The following PREX2 variants were observed in gnomAD, a reference collection of about 807,000 sequenced individuals.
The protein encoded by PREX2 is phosphatidylinositol-3,4,5-trisphosphate dependent Rac exchange factor 2, also known as phosphatidylinositol 3,4,5-trisphosphate-dependent Rac exchanger 2 protein.
In PREX2, 107 loss-of-function variants were observed where a neutral mutation model predicts 203.2. The ratio of observed to expected loss-of-function variants is 0.53; its 90% CI spans 0.45 to 0.62. PREX2 has a LOEUF of 0.62. Ranked by LOEUF, PREX2 falls within the 20% of genes least tolerant of loss-of-function variation. PREX2 has a pLI of 0.00. For synonymous variants in PREX2, 672 were observed against 663.6 expected (o/e 1.01, Z -0.19); for missense variants, 1,777 against 1,955.9 (o/e 0.91, Z 1.72).
rs557653962 is a variant in PREX2, at chr8:68,209,006, G to T, written c.4605-8610G>T. Among the ~76,000 whole-genome samples the T allele has an allele frequency of 2.7e-5, 4 of 149,786 alleles. No homozygotes were observed. In the South Asian group the frequency reaches 8.5e-4, roughly 32 times the overall value. On this transcript the variant is annotated intron_variant, in intron 37 of 39. Transcript: ENST00000288368. ...GATCACTTAAGCGCAAGAATTTGCT[G>T]CAGTGAGCCATGATCCTGCCACTGC...
chr8:67,954,674 C>T (rs1463756638), intron 1 of PREX2, among the ~76,000 whole-genome samples: 2 of 152,104 alleles, frequency 1.3e-5, no homozygotes, highest in African/African-American at 4.8e-5. Flanking sequence ...ATAGTTTACT[C>T]CTAAGTCAAA....
chr8:68,099,977 AT>A, intron 23 of PREX2, 134 bp downstream of exon 23: 1 of 884,500 alleles, frequency 1.1e-6, no homozygotes. Flanking sequence ...ATTATATAAC[AT>A]TTTAGAGTTT....
At chr8:68,071,085 T>C (rs1476037705) in intron 13 of PREX2, among the ~76,000 whole-genome samples, 1 of 152,180 alleles carries the variant, frequency 6.6e-6, no homozygotes, top group Non-Finnish European at 1.5e-5. Flanking sequence ...TAATGTACCA[T>C]GTAACCTGTG....
chr8:68,179,729 T>C (rs1041418291), intron 35 of PREX2, among the ~76,000 whole-genome samples: 5 of 152,158 alleles, frequency 3.3e-5, no homozygotes, highest in Non-Finnish European at 5.9e-5. Flanking sequence ...CCTTAATAGA[T>C]GCTCAAAATA....
chr8:68,136,619 G>T (rs779630791), intron 32 of PREX2, among the ~76,000 whole-genome samples: 1 of 152,128 alleles, frequency 6.6e-6, no homozygotes, highest in Non-Finnish European at 1.5e-5. Context: ...CTTCAGTCCT[G>T]TCCTTTCTTT....
At chr8:68,111,846 A>G (rs150129628) in intron 25 of PREX2, among the ~76,000 whole-genome samples, 175 of 152,318 alleles carry the variant, frequency 1.1e-3, no homozygotes, top group African/African-American at 3.9e-3. Context: ...TAGTATCTGA[A>G]CAATTTTCTC....
At chr8:68,040,229 A>G (rs10112954) in intron 7 of PREX2, among the ~76,000 whole-genome samples, 87,026 of 151,964 alleles carry the variant, frequency 0.57, 26,368 homozygotes, top group African/African-American at 0.77. Context: ...GTCTCACTGT[A>G]TTTCCCAGGC....
At chr8:67,984,858 C>T (rs905485031) in intron 1 of PREX2, among the ~76,000 whole-genome samples, 4 of 152,072 alleles carry the variant, frequency 2.6e-5, no homozygotes, top group African/African-American at 9.7e-5. Flanking sequence ...GTCCTAGCTG[C>T]GATGTGGGGT....
At chr8:68,028,737 G>C (rs370536781) in intron 5 of PREX2, among the ~76,000 whole-genome samples, 1 of 151,984 alleles carries the variant, frequency 6.6e-6, no homozygotes, top group East Asian at 1.9e-4. Flanking sequence ...CATAACTGCA[G>C]TTATTCCTGA....
chr8:68,051,565 C>T (rs1454653990), intron 8 of PREX2, among the ~76,000 whole-genome samples: 1 of 152,036 alleles, frequency 6.6e-6, no homozygotes. Context: ...ATTGTAATTT[C>T]TCAGTTGGTT....
At position 68,157,261 on chromosome 8, in the gene PREX2, C is replaced by T. The variant is rs947133119; in HGVS notation, c.4232-61C>T. On this transcript the variant is annotated intron_variant, in intron 34 of 39. Transcript: ENST00000288368. ...TTTACTAATAATCAATAAAATTATA[C>T]TACACGTGGAGAAATTGAGTTATAA... 46 of 798,188 alleles carry T rather than the reference C, an allele frequency of 5.8e-5. No individual in the cohort carries two copies. The African/African-American group carries it at 5.9e-4, about 10-fold the overall frequency. 49.4% of individuals were successfully genotyped at this position (798,188 alleles called of 1,614,324 possible).
chr8:67,992,623 G>T (rs1261589853), intron 1 of PREX2, among the ~76,000 whole-genome samples: 1 of 152,174 alleles, frequency 6.6e-6, no homozygotes, highest in African/African-American at 2.4e-5. Flanking sequence ...CAGTGGTTTA[G>T]GCATTCTTAA....
In PREX2 at chr8:68,103,106, C is replaced by A. The variant is rs912982875; in HGVS notation, c.2715+3263C>A. ...TTAACATATATTCAAGAGATAGTTC[C>A]TGTTTACACAAAAATATTACCTGCA... On this transcript the variant is annotated intron_variant, in intron 23 of 39. Coordinates refer to ENST00000288368, the MANE Select transcript of PREX2 (RefSeq NM_024870.4). 2.8e-5 allele frequency: 11 copies of A among 395,388 alleles called. No homozygotes were observed. In the East Asian group the frequency reaches 8.0e-4, roughly 29 times the overall value. 24.5% of individuals were successfully genotyped at this position (395,388 alleles called of 1,614,324 possible).
At chr8:68,173,287 G>C (rs1811915156) in intron 35 of PREX2, among the ~76,000 whole-genome samples, 1 of 152,180 alleles carries the variant, frequency 6.6e-6, no homozygotes, top group Non-Finnish European at 1.5e-5. Context: ...GAAAGGTGCA[G>C]ATGCTGACTC....
chr8:68,042,786 A>C (rs1018062696), intron 7 of PREX2, among the ~76,000 whole-genome samples: 2 of 152,126 alleles, frequency 1.3e-5, no homozygotes, highest in Non-Finnish European at 2.9e-5. Context: ...ATCTGAGCTA[A>C]GAATTATAGA....
At chr8:67,973,355 TCTGTCAAATTAA>T (rs1192790790) in intron 1 of PREX2, among the ~76,000 whole-genome samples, 1 of 152,212 alleles carries the variant, frequency 6.6e-6, no homozygotes, top group Non-Finnish European at 1.5e-5. Context: ...CTTTGGCATA[TCTGTCAAATTAA>T]CTTGCTGTAG....
intron 1 of PREX2, among the ~76,000 whole-genome samples, chr8:67,972,004 A>G (rs1252848994): frequency 6.6e-6 from 1 of 152,258 alleles, no homozygotes; most frequent in Non-Finnish European, 1.5e-5. Flanking sequence ...TCTAAGTGCC[A>G]ATTTGTGAAC....
intron 1 of PREX2, among the ~76,000 whole-genome samples, chr8:67,974,502 A>T (rs1323315131): frequency 6.6e-6 from 1 of 152,330 alleles, no homozygotes; most frequent in East Asian, 1.9e-4. Flanking sequence ...ACCTAGAAAT[A>T]TGCTAGTTCA....
chr8:68,128,527 G>A (rs1389381902), intron 31 of PREX2, among the ~76,000 whole-genome samples: 1 of 152,102 alleles, frequency 6.6e-6, no homozygotes, highest in Non-Finnish European at 1.5e-5. Context: ...GGTTGGCTAG[G>A]CACAGGTGAT....
Sources: gnomAD v4.1 joint callset for allele counts (sites outside exome capture counted in the v4.1 genomes callset) on GRCh38, gnomAD v4.1.1 for gene constraint, MANE v1.5 for transcripts, NCBI Gene and HGNC (gene_info 2026-07-23, HGNC 2026-07-21) for gene names.